Variants in PCDHA6 observed in about 807,000 individuals in gnomAD.
PCDHA6 encodes protocadherin alpha-6.
PCDHA6 carries 55 observed loss-of-function variants against 60.3 expected under a neutral mutation model. The observed-to-expected ratio is 0.91, with a 90% CI of 0.73 to 1.14. The LOEUF (loss-of-function observed/expected upper bound fraction) is 1.14. Ranked by LOEUF, PCDHA6 falls within the 50% of genes most tolerant of loss-of-function variation. The probability of loss-of-function intolerance (pLI) is 0.00; values close to 1 mark genes in which losing one functional copy is unlikely to be tolerated. For synonymous variants in PCDHA6, 652 were observed against 557.9 expected (o/e 1.17, Z -2.38); for missense variants, 1,327 against 1,256.5 (o/e 1.06, Z -0.85).
chr5:140,927,933 C>G (rs1273187123), intron 1 of PCDHA6: 2 of 1,614,208 alleles, frequency 1.2e-6, no homozygotes, highest in East Asian at 4.5e-5. Context: ...CTCTTTCGAA[C>G]CCAGTACCTG....
In PCDHA6 at chr5:140,858,081, C is replaced by G. The variant is rs782778779; in HGVS notation, c.2394+27596C>G. 1.0e-5 allele frequency: 16 copies of G among 1,597,646 alleles called. No individual in the cohort carries two copies. Among genetic ancestry groups the G allele is most frequent in the Admixed American group, 1.7e-5 (1 of 59,270 alleles). On this transcript the variant is annotated intron_variant, in intron 1 of 3. Transcript: ENST00000529310. The stretch of plus-strand genomic sequence containing the variant: ...GAGGGCAGCCAGGCACCCAAGGCCT[C>G]GTCGCGGGCTTCAGTGGGCGTGGCG...
intron 1 of PCDHA6, chr5:140,841,287 A>G: frequency 3.9e-6 from 6 of 1,554,152 alleles, no homozygotes; most frequent in Non-Finnish European, 5.2e-6. Context: ...CTTTATATTA[A>G]GATAATATTT....
intron 1 of PCDHA6, chr5:140,966,863 C>T: frequency 6.4e-7 from 1 of 1,562,680 alleles, no homozygotes; most frequent in East Asian, 2.3e-5. Flanking sequence ...GCTGCTGTTG[C>T]TGCTGCTGCT....
At chr5:140,877,002 G>A (rs374546473) in intron 1 of PCDHA6, 96 of 1,612,426 alleles carry the variant, frequency 6.0e-5, no homozygotes, top group Non-Finnish European at 8.0e-5. Flanking sequence ...ACGTGTCGGT[G>A]CACGCGGAGA....
intron 1 of PCDHA6, among the ~76,000 whole-genome samples, chr5:140,949,692 T>A (rs1563239592): frequency 6.6e-6 from 1 of 151,854 alleles, no homozygotes; most frequent in Non-Finnish European, 1.5e-5. Flanking sequence ...AGCGTATTGT[T>A]GGATCTTGCT....
At chr5:140,839,749 T>TC (rs1400438543) in intron 1 of PCDHA6, among the ~76,000 whole-genome samples, 2 of 152,066 alleles carry the variant, frequency 1.3e-5, no homozygotes, top group African/African-American at 4.8e-5. Flanking sequence ...TATTTGCCTT[T>TC]CCTATTTAAC....
intron 1 of PCDHA6, among the ~76,000 whole-genome samples, chr5:140,971,291 C>T (rs541777110): frequency 1.1e-4 from 17 of 152,164 alleles, no homozygotes; most frequent in Admixed American, 3.3e-4. Flanking sequence ...TTAATATGTA[C>T]TTTGGTACAC....
chr5:140,863,274 G>A, intron 1 of PCDHA6: 1 of 1,461,698 alleles, frequency 6.8e-7, no homozygotes. Flanking sequence ...CAGCGCTGGT[G>A]GATGTCAACG....
rs782282264 is a variant in PCDHA6, at chr5:141,009,955, A to C, written c.*18A>C. The C allele has an allele frequency of 6.3e-7, 1 of 1,592,536 alleles. No homozygotes were observed. The highest frequency in any genetic ancestry group is 2.2e-5 in the East Asian group (1 of 44,734). ...ACCAGTGAGGTCCTCAAATGGAAAC[A>C]AGCCACTTAGCCAGTTTTTGTAATA... is the stretch of plus-strand genomic sequence containing the variant. On this transcript the variant is annotated 3_prime_UTR_variant, in exon 4 of 4. Coordinates refer to ENST00000529310, the MANE Select transcript of PCDHA6 (RefSeq NM_018909.4).
chr5:140,831,107 C>G (rs1479291703), intron 1 of PCDHA6: 1 of 152,120 alleles, frequency 6.6e-6, no homozygotes, highest in Non-Finnish European at 1.5e-5. Context: ...AGTTATCAGC[C>G]TGAATACTTC....
chr5:140,961,155 G>C (rs1214072320), intron 1 of PCDHA6, among the ~76,000 whole-genome samples: 3 of 152,126 alleles, frequency 2.0e-5, no homozygotes, highest in Non-Finnish European at 4.4e-5. Context: ...TATTATTTCA[G>C]TACATATCTA....
intron 1 of PCDHA6, among the ~76,000 whole-genome samples, chr5:140,917,128 C>T (rs2077898518): frequency 6.6e-6 from 1 of 152,044 alleles, no homozygotes; most frequent in Non-Finnish European, 1.5e-5. Flanking sequence ...GCAGACTCCC[C>T]ACGTTGCTCA....
chr5:140,963,717 T>C (rs2095787814), intron 1 of PCDHA6, among the ~76,000 whole-genome samples: 1 of 152,256 alleles, frequency 6.6e-6, no homozygotes, highest in Admixed American at 6.5e-5. Context: ...ATGCTACATA[T>C]AGACTGCCAA....
intron 1 of PCDHA6, among the ~76,000 whole-genome samples, chr5:140,951,868 G>A (rs1325001328): frequency 2.6e-5 from 4 of 152,132 alleles, no homozygotes; most frequent in African/African-American, 9.7e-5. Flanking sequence ...AGTCTCATCT[G>A]AGACAAGGCA....
intron 1 of PCDHA6, among the ~76,000 whole-genome samples, chr5:140,960,355 A>G (rs1489344440): frequency 6.6e-6 from 1 of 152,222 alleles, no homozygotes; most frequent in Admixed American, 6.5e-5. Flanking sequence ...ATGTACTGAA[A>G]TAATATGCCA....
At position 141,010,950 on chromosome 5, in the gene PCDHA6, A is replaced by G. The variant is rs1278386004; in HGVS notation, c.*1013A>G. The G allele has an allele frequency of 6.5e-6, 1 of 153,760 alleles. No homozygotes were observed. Among genetic ancestry groups the G allele is most frequent in the Admixed American group, 6.5e-5 (1 of 15,284 alleles). 9.5% of individuals were successfully genotyped at this position (153,760 alleles called of 1,614,324 possible). A position where few individuals can be genotyped will look rare whatever the true frequency, so the allele number is the denominator to read the frequency against. ...TCAGTCTACAGCCATTTAAATGATC[A>G]TTGCTGCTACAGAAGTGCTTTAAGA... is the stretch of plus-strand genomic sequence containing the variant. On this transcript the variant is annotated 3_prime_UTR_variant, in exon 4 of 4. Coordinates refer to ENST00000529310, the MANE Select transcript of PCDHA6 (RefSeq NM_018909.4).
chr5:140,855,898 G>A (rs1376080339), intron 1 of PCDHA6: 3 of 1,069,996 alleles, frequency 2.8e-6, no homozygotes, highest in African/African-American at 1.6e-5. Context: ...AAAGGCATCA[G>A]CCAGTTTCTC....
At chr5:140,849,988 G>C in intron 1 of PCDHA6, 2 of 1,597,364 alleles carry the variant, frequency 1.3e-6, no homozygotes, top group South Asian at 1.1e-5. Context: ...GTGGAGCGGC[G>C]GTTGGGCGAG....
intron 1 of PCDHA6, among the ~76,000 whole-genome samples, chr5:140,936,196 G>A (rs1251323087): frequency 1.3e-5 from 2 of 152,072 alleles, no homozygotes; most frequent in African/African-American, 4.8e-5. Flanking sequence ...CCCAGCCAAA[G>A]TTGTCTTTTT....
Sources: allele counts gnomAD v4.1 joint callset (sites outside exome capture counted in the v4.1 genomes callset), GRCh38; gene constraint gnomAD v4.1.1; transcripts MANE v1.5; gene names NCBI Gene and HGNC (gene_info 2026-07-23, HGNC 2026-07-21).